TRAPPC13: variants seen among roughly 807,000 people sequenced by gnomAD.
The protein encoded by TRAPPC13 is trafficking protein particle complex subunit 13.
A neutral mutation model predicts 54.0 loss-of-function variants in TRAPPC13; 39 were observed. That is an observed-to-expected ratio of 0.72 (90% CI 0.56 to 0.94). The LOEUF (loss-of-function observed/expected upper bound fraction) is 0.94, where lower values mean the gene tolerates loss of function less well. Among genes scored for constraint, TRAPPC13 ranks in the 40% least tolerant of loss-of-function variants. The pLI, the probability that TRAPPC13 is intolerant of heterozygous loss-of-function variation, is 0.00. For missense variants in TRAPPC13, 386 were observed against 488.1 expected, an observed-to-expected ratio of 0.79 and a Z score of 1.97; for synonymous variants, 148 against 167.7, an observed-to-expected ratio of 0.88 and a Z score of 0.91.
At chr5:65,655,352 C>T (rs1756612636) in intron 7 of TRAPPC13, among the ~76,000 whole-genome samples, 1 of 152,124 alleles carries the variant, frequency 6.6e-6, no homozygotes, top group African/African-American at 2.4e-5. Flanking sequence ...ATGGGGTATA[C>T]CTCTCTGCTC....
intron 4 of TRAPPC13, among the ~76,000 whole-genome samples, chr5:65,640,057 C>G (rs562955797): frequency 1.3e-4 from 20 of 152,284 alleles, no homozygotes; most frequent in African/African-American, 3.9e-4. Flanking sequence ...TTTGTGCATA[C>G]ACGTACATAT....
intron 1 of TRAPPC13, chr5:65,630,189 A>C: frequency 6.5e-7 from 1 of 1,536,008 alleles, no homozygotes; most frequent in African/African-American, 1.4e-5. Context: ...CCATCTTGTA[A>C]TGCTACAATT....
intron 1 of TRAPPC13, chr5:65,629,892 T>C (rs1334809813): frequency 6.5e-7 from 1 of 1,536,078 alleles, no homozygotes; most frequent in Admixed American, 2.0e-5. Context: ...AAGCAGCATT[T>C]AACCTGGTCA....
At chr5:65,625,426 T>C (rs950501316) in intron 1 of TRAPPC13, 43 of 352,590 alleles carry the variant, frequency 1.2e-4, no homozygotes, top group African/African-American at 7.7e-4. Flanking sequence ...CCAAAGTGCT[T>C]TTTCCTTCTG....
intron 1 of TRAPPC13, among the ~76,000 whole-genome samples, chr5:65,634,102 C>T (rs1208885411): frequency 6.6e-6 from 1 of 151,504 alleles, no homozygotes; most frequent in African/African-American, 2.4e-5. Flanking sequence ...TCTCCTGCCT[C>T]AGCCTGCCGA....
intron 1 of TRAPPC13, among the ~76,000 whole-genome samples, chr5:65,627,131 CAAAAA>C (rs60169195): frequency 2.1e-4 from 7 of 32,578 alleles, no homozygotes; most frequent in Admixed American, 2.1e-3. Flanking sequence ...GACCCTGTCT[CAAAAA>C]AAAAAAAAAA....
chr5:65,650,157 C>CTTT (rs34093188), intron 5 of TRAPPC13, among the ~76,000 whole-genome samples: 3 of 78,116 alleles, frequency 3.8e-5, no homozygotes, highest in East Asian at 3.3e-4. Context: ...CACACCTGGC[C>CTTT]TTTTTTTTTT....
intron 1 of TRAPPC13, among the ~76,000 whole-genome samples, chr5:65,633,227 T>G (rs567891609): frequency 1.3e-5 from 2 of 152,308 alleles, no homozygotes; most frequent in South Asian, 4.1e-4. Context: ...TTACTTATAT[T>G]CTGAATTGAC....
chr5:65,647,665 A>G (rs260044), intron 5 of TRAPPC13, among the ~76,000 whole-genome samples: 90,119 of 151,278 alleles, frequency 0.6, 27,218 homozygotes, highest in South Asian at 0.64. Context: ...CTGAATGTGA[A>G]CGCTCTATTT....
rs758002126 is a variant in TRAPPC13, at chr5:65,664,529, A to G, written c.1172A>G (p.Asp391Gly). ...AGCATCTCTGGCTTAAGACTAACAG[A>G]CACATTCTTAAAGAGAACATATGAA... Reference protein sequence around the residue: ...LQSISGLRLTDTFLKRTYEYD... With the variant: ...LQSISGLRLTGTFLKRTYEYD... The change falls in exon 13 of 13, where the codon GAC becomes GGC. Residue 391 changes from aspartate (D) to glycine (G), a missense_variant. Coordinates refer to ENST00000399438, the MANE Select transcript of TRAPPC13 (RefSeq NM_024941.4). The G allele has an allele frequency of 6.2e-7, 1 of 1,611,612 alleles. No homozygotes were observed. Among genetic ancestry groups the G allele is most frequent in the Admixed American group, 1.7e-5 (1 of 59,220 alleles).
chr5:65,664,831 AATTTC>A lies in TRAPPC13; in HGVS notation c.*230_*234del, dbSNP rs1484424639. The A allele has an allele frequency of 9.4e-6, 5 of 529,398 alleles. No individual in the cohort carries two copies. Among genetic ancestry groups the A allele is most frequent in the East Asian group, 3.4e-5 (1 of 29,332 alleles). 32.8% of individuals were successfully genotyped at this position (529,398 alleles called of 1,614,324 possible). On this transcript the variant is annotated 3_prime_UTR_variant, in exon 13 of 13. Coordinates refer to ENST00000399438, the MANE Select transcript of TRAPPC13 (RefSeq NM_024941.4). The stretch of plus-strand genomic sequence containing the variant: ...TGTATATTTTCTACACCTATTATTT[AATTTC>A]ATTTCATTTTAGATGACCATTGGAC...
At chr5:65,629,379 T>G in intron 1 of TRAPPC13, 4 of 1,013,492 alleles carry the variant, frequency 3.9e-6, no homozygotes, top group Non-Finnish European at 3.9e-6. Context: ...TGGGATTGGT[T>G]TTTGTTTTTT....
At chr5:65,629,870 C>A (rs1755453683) in intron 1 of TRAPPC13, 2 of 1,535,896 alleles carry the variant, frequency 1.3e-6, no homozygotes, top group East Asian at 2.4e-5. Context: ...GGAGTTTCAA[C>A]CTAGCTTGAA....
Position 65,627,131 on chromosome 5 carries a change from C to CAAAAAAAAAAAAAAAAAAAAAAA in TRAPPC13, c.46+2029_46+2051dup, listed in dbSNP as rs60169195. 3.7e-4 allele frequency among the ~76,000 whole-genome samples: 12 copies of CAAAAAAAAAAAAAAAAAAAAAAA among 32,580 alleles called. 1 individual carries two copies. Among genetic ancestry groups the CAAAAAAAAAAAAAAAAAAAAAAA allele is most frequent in the Admixed American group, 1.3e-3 (3 of 2,378 alleles). 21.4% of individuals were successfully genotyped at this position (32,580 alleles called of 152,430 possible). A position where few individuals can be genotyped will look rare whatever the true frequency, so the allele number is the denominator to read the frequency against. ...TGGGTGACAGAGTGAGACCCTGTCT[C>CAAAAAAAAAAAAAAAAAAAAAAA]AAAAAAAAAAAAAAAAAAAAAAAAA... On this transcript the variant is annotated intron_variant, in intron 1 of 12. Transcript: ENST00000399438.
chr5:65,629,509 A>G (rs777637764), intron 1 of TRAPPC13: 34 of 1,439,766 alleles, frequency 2.4e-5, no homozygotes, highest in Non-Finnish European at 3.0e-5. Context: ...CAATCTTGCA[A>G]TAATAAATTA....
At chr5:65,642,820 C>T (rs1021684877) in intron 4 of TRAPPC13, among the ~76,000 whole-genome samples, 1 of 152,094 alleles carries the variant, frequency 6.6e-6, no homozygotes, top group Non-Finnish European at 1.5e-5. Context: ...ACCACCACAC[C>T]TGGCTAATTA....
chr5:65,654,695 T>C (rs569954836), intron 7 of TRAPPC13, among the ~76,000 whole-genome samples: 2 of 152,314 alleles, frequency 1.3e-5, no homozygotes, highest in Admixed American at 6.5e-5. Context: ...ACATATATTT[T>C]GATACTGTTT....
At chr5:65,638,600 C>A (rs116360736) in intron 4 of TRAPPC13, among the ~76,000 whole-genome samples, 1 of 152,296 alleles carries the variant, frequency 6.6e-6, no homozygotes, top group African/African-American at 2.4e-5. Flanking sequence ...TGTATTAGTC[C>A]ATTTTCATGC....
chr5:65,664,166 A>T, intron 11 of TRAPPC13, 71 bp from the exon 12 acceptor site: 1 of 1,460,862 alleles, frequency 6.8e-7, no homozygotes, highest in Non-Finnish European at 9.3e-7. Flanking sequence ...TACTGTCACT[A>T]GTAGAAATAT....
Sources: gnomAD v4.1 joint callset for allele counts (sites outside exome capture counted in the v4.1 genomes callset) on GRCh38, gnomAD v4.1.1 for gene constraint, MANE v1.5 for transcripts, NCBI Gene and HGNC (gene_info 2026-07-23, HGNC 2026-07-21) for gene names.